ADGRV1: variants seen among roughly 807,000 people sequenced by gnomAD.
The protein encoded by ADGRV1 is adhesion G protein-coupled receptor V1.
Under a neutral mutation model 596.2 loss-of-function variants are expected in ADGRV1, and 359 were observed. The ratio of observed to expected loss-of-function variants is 0.60; its 90% CI spans 0.55 to 0.66. The LOEUF (loss-of-function observed/expected upper bound fraction) is 0.66. Among genes scored for constraint, ADGRV1 ranks in the 30% least tolerant of loss-of-function variants. ADGRV1 has a pLI of 0.00. For synonymous variants in ADGRV1, 2,681 were observed against 2,679.2 expected (o/e 1.00, Z -0.02); for missense variants, 7,274 against 7,575.6 (o/e 0.96, Z 1.48).
In ADGRV1 at chr5:90,840,871, A is replaced by G. The variant is rs1581280760; in HGVS notation, c.16905A>G (p.Leu5635=). ...SQAIWGLADQ[L]HQPVNDDILN... is the part of the protein sequence containing the mutation. ...CCATTTGGGGGCTTGCAGATCAGCTACATCAGCCTGTGAATGATGATATTC... is the reference window on the plus strand; with the variant it reads ...CCATTTGGGGGCTTGCAGATCAGCTGCATCAGCCTGTGAATGATGATATTC... The change falls in exon 78 of 90, where the codon CTA becomes CTG. Residue 5635 remains leucine (L), a synonymous_variant. Coordinates refer to ENST00000405460, the MANE Select transcript of ADGRV1 (RefSeq NM_032119.4). The G allele has an allele frequency of 3.1e-6, 5 of 1,608,858 alleles. No individual in the cohort carries two copies. The highest frequency in any genetic ancestry group is 2.2e-5 in the South Asian group (2 of 90,524).
intron 33 of ADGRV1, among the ~76,000 whole-genome samples, chr5:90,696,527 A>G (rs1339252709): frequency 6.6e-6 from 1 of 152,096 alleles, no homozygotes; most frequent in African/African-American, 2.4e-5. Context: ...TCTGATTAAA[A>G]TTATCACAGT....
At chr5:91,143,087 C>T (rs755653600) in intron 87 of ADGRV1, among the ~76,000 whole-genome samples, 1 of 152,228 alleles carries the variant, frequency 6.6e-6, no homozygotes, top group Non-Finnish European at 1.5e-5. Context: ...GCCACAGGCA[C>T]TGGCTGTCTG....
At chr5:91,133,304 G>A (rs1054129861) in intron 87 of ADGRV1, among the ~76,000 whole-genome samples, 20 of 152,320 alleles carry the variant, frequency 1.3e-4, no homozygotes, top group African/African-American at 4.8e-4. Flanking sequence ...GGCCAGGGGA[G>A]GAGAGAGAAG....
At chr5:91,126,741 T>A (rs1450470977) in intron 87 of ADGRV1, among the ~76,000 whole-genome samples, 2 of 152,244 alleles carry the variant, frequency 1.3e-5, no homozygotes, top group African/African-American at 4.8e-5. Flanking sequence ...ACTTAATCTA[T>A]GTTTGCAGCA....
At chr5:90,697,250 T>G in intron 34 of ADGRV1, 104 bp downstream of exon 34, 2 of 1,039,710 alleles carry the variant, frequency 1.9e-6, no homozygotes, top group Non-Finnish European at 2.8e-6. Context: ...ATTATTTTGT[T>G]GAACTGTGTG....
chr5:91,000,863 A>G (rs367897104), intron 85 of ADGRV1, among the ~76,000 whole-genome samples: 74 of 152,224 alleles, frequency 4.9e-4, no homozygotes, highest in African/African-American at 1.7e-3. Flanking sequence ...TTTGAAGGCT[A>G]TTGGGCAGGA....
rs1028371439 is a variant in ADGRV1, at chr5:90,759,320, A to G, written c.11941-89A>G. The stretch of plus-strand genomic sequence containing the variant: ...AAAAATTAAAATATATGTCAGCAAA[A>G]ACTGTGATTACATTATTTCTTTCCT... On this transcript the variant is annotated intron_variant, in intron 57 of 89. Coordinates refer to ENST00000405460, the MANE Select transcript of ADGRV1 (RefSeq NM_032119.4). 7 of 991,406 alleles carry G rather than the reference A, an allele frequency of 7.1e-6. No homozygotes were observed. In the African/African-American group the frequency reaches 1.1e-4, roughly 16 times the overall value. 61.4% of individuals were successfully genotyped at this position (991,406 alleles called of 1,614,324 possible).
intron 71 of ADGRV1, among the ~76,000 whole-genome samples, chr5:90,804,582 A>G (rs901577901): frequency 2.6e-5 from 4 of 152,214 alleles, no homozygotes; most frequent in Admixed American, 6.5e-5. Context: ...GTTTTAATAT[A>G]TAACTCTTGA....
intron 83 of ADGRV1, among the ~76,000 whole-genome samples, chr5:90,913,560 T>C (rs780287092): frequency 8.5e-5 from 13 of 152,230 alleles, no homozygotes; most frequent in Non-Finnish European, 1.3e-4. Context: ...TAAAGTTAAA[T>C]AATAAAATGT....
chr5:90,781,690 G>A, intron 65 of ADGRV1, 112 bp downstream of exon 65: 1 of 937,410 alleles, frequency 1.1e-6, no homozygotes, highest in Non-Finnish European at 1.6e-6. Context: ...GTGTGTTTGT[G>A]TTTACACATA....
chr5:90,559,689 ACT>A (rs775061339), intron 1 of ADGRV1, among the ~76,000 whole-genome samples: 33 of 152,132 alleles, frequency 2.2e-4, no homozygotes, highest in Non-Finnish European at 4.1e-4. Flanking sequence ...TATGCTATAC[ACT>A]CTTTTAGAAA....
chr5:91,054,610 T>TAGAC (rs1581914470), intron 85 of ADGRV1, among the ~76,000 whole-genome samples: 1 of 152,188 alleles, frequency 6.6e-6, no homozygotes, highest in East Asian at 1.9e-4. Context: ...TGTTGGTTTA[T>TAGAC]AGACAGCCAT....
At chr5:91,153,796 A>G (rs1796248897) in intron 89 of ADGRV1, among the ~76,000 whole-genome samples, 1 of 152,230 alleles carries the variant, frequency 6.6e-6, no homozygotes, top group Non-Finnish European at 1.5e-5. Context: ...CAACATAATG[A>G]GCATGGTATA....
intron 86 of ADGRV1, among the ~76,000 whole-genome samples, chr5:91,083,460 T>G (rs2126523587): frequency 6.6e-6 from 1 of 152,344 alleles, no homozygotes; most frequent in East Asian, 1.9e-4. Context: ...ACAGTTTACA[T>G]ATTATAAAAC....
At chr5:90,784,808 T>A (rs1759247618) in intron 67 of ADGRV1, among the ~76,000 whole-genome samples, 1 of 152,094 alleles carries the variant, frequency 6.6e-6, no homozygotes, top group Non-Finnish European at 1.5e-5. Flanking sequence ...TGCTCATGGA[T>A]AGGAAGAATC....
At chr5:91,155,949 G>A (rs1562291024) in intron 89 of ADGRV1, among the ~76,000 whole-genome samples, 2 of 152,198 alleles carry the variant, frequency 1.3e-5, no homozygotes, top group Non-Finnish European at 2.9e-5. Context: ...TGGGAAATGA[G>A]CTTCCCAACA....
chr5:90,711,737 A>G (rs1160987686), intron 41 of ADGRV1, among the ~76,000 whole-genome samples: 1 of 152,004 alleles, frequency 6.6e-6, no homozygotes, highest in East Asian at 1.9e-4. Flanking sequence ...TGGTCTCTTC[A>G]TGCCTTTTAT....
chr5:90,563,731 A>T (rs1995555), intron 1 of ADGRV1, among the ~76,000 whole-genome samples: 9,581 of 152,298 alleles, frequency 0.063, 882 homozygotes, highest in African/African-American at 0.21. Flanking sequence ...AAAAGATTCT[A>T]AAGTGTTACA....
At chr5:90,650,794 G>A (rs1384688242) in intron 17 of ADGRV1, among the ~76,000 whole-genome samples, 1 of 152,144 alleles carries the variant, frequency 6.6e-6, no homozygotes, top group South Asian at 2.1e-4. Context: ...GCAAAGTGCC[G>A]TGGGAGCACA....
Sources: allele counts gnomAD v4.1 joint callset (sites outside exome capture counted in the v4.1 genomes callset), GRCh38; gene constraint gnomAD v4.1.1; transcripts MANE v1.5; gene names NCBI Gene and HGNC (gene_info 2026-07-23, HGNC 2026-07-21).